PC: variants seen among roughly 807,000 people sequenced by gnomAD.
PC encodes the protein pyruvate carboxylase.
A neutral mutation model predicts 107.8 loss-of-function variants in PC; 46 were observed. The ratio of observed to expected loss-of-function variants is 0.43; its 90% CI spans 0.34 to 0.55. The LOEUF (loss-of-function observed/expected upper bound fraction) is 0.55. Among genes scored for constraint, PC ranks in the 20% least tolerant of loss-of-function variants. The pLI, the probability that PC is intolerant of heterozygous loss-of-function variation, is 0.04. For missense variants in PC, 1,241 were observed against 1,643.1 expected, an observed-to-expected ratio of 0.76 and a Z score of 4.23; for synonymous variants, 662 against 684.7, an observed-to-expected ratio of 0.97 and a Z score of 0.52.
chr11:66,868,908 G>C lies in PC; in HGVS notation c.960C>G (p.His320Gln), dbSNP rs1591183007. 6.2e-7 allele frequency: 1 copy of C among 1,613,922 alleles called. No individual in the cohort carries two copies. The highest frequency in any genetic ancestry group is 8.5e-7 in the Non-Finnish European group (1 of 1,179,996). The change falls in exon 10 of 23, where the codon CAC (histidine) becomes CAG (glutamine). Residue 320 changes from histidine (H) to glutamine (Q), a missense_variant. His to Gln is a conservative substitution (Grantham distance 24). This residue lies in a region of PC where 1,143 missense variants were observed against 1,551.9 expected (regional missense o/e 0.74). Coordinates refer to ENST00000393960, the MANE Select transcript of PC (RefSeq NM_001040716.2). ...GGCGGGAGTTGACCTCGATGAAGTA[G>C]TGCTTGCCGTGCCTGTCCACCAGGA... Reference protein sequence around the residue: ...VEFLVDRHGKHYFIEVNSRLQ... With the variant: ...VEFLVDRHGKQYFIEVNSRLQ...
chr11:66,864,205 A>G (rs976326488), intron 11 of PC, among the ~76,000 whole-genome samples: 4 of 152,316 alleles, frequency 2.6e-5, no homozygotes, highest in Non-Finnish European at 5.9e-5. Flanking sequence ...GAGGGGGCAG[A>G]GGAGGAAGGG....
intron 3 of PC, among the ~76,000 whole-genome samples, chr11:66,903,909 C>T (rs1335530236): frequency 2.0e-5 from 3 of 148,716 alleles, no homozygotes; most frequent in African/African-American, 7.5e-5. Context: ...CTCACTGCAA[C>T]CTCCGCCTCC....
intron 3 of PC, among the ~76,000 whole-genome samples, chr11:66,936,127 A>G (rs1399400055): frequency 6.6e-6 from 1 of 150,408 alleles, no homozygotes; most frequent in East Asian, 2.0e-4. Flanking sequence ...ACATGCCTGT[A>G]GTCTCAGCTA....
intron 3 of PC, among the ~76,000 whole-genome samples, chr11:66,928,673 G>A (rs564114498): frequency 3.9e-5 from 6 of 152,190 alleles, no homozygotes; most frequent in African/African-American, 1.4e-4. Context: ...TTACAAGCAT[G>A]TGTAACCTTG....
chr11:66,942,127 G>A (rs1177666307), intron 3 of PC, among the ~76,000 whole-genome samples: 2 of 146,694 alleles, frequency 1.4e-5, no homozygotes, highest in East Asian at 2.1e-4. Flanking sequence ...TGCTGGGCGC[G>A]GTGGCTCATG....
intron 3 of PC, among the ~76,000 whole-genome samples, chr11:66,918,130 A>G (rs1037675384): frequency 3.8e-4 from 58 of 152,320 alleles, no homozygotes; most frequent in African/African-American, 1.3e-3. Flanking sequence ...CATTAAAGAA[A>G]AATTCACATG....
In PC at chr11:66,858,435, T is replaced by C. The variant is rs773740511; in HGVS notation, c.1369-5052A>G. ...CTCTCCCGCCCCCCTGGTGCTGAGCTTTAGCGGGAACCCCCTGCACTGCAA... is the reference window on the plus strand; with the variant it reads ...CTCTCCCGCCCCCCTGGTGCTGAGCCTTAGCGGGAACCCCCTGCACTGCAA... On this transcript the variant is annotated intron_variant, in intron 12 of 22. Transcript: ENST00000393960. The surrounding 1 kb of genome is among the most constrained non-coding windows in gnomAD (Gnocchi z 5.9). 6.4e-7 allele frequency: 1 copy of C among 1,553,096 alleles called. No homozygotes were observed. The highest frequency in any genetic ancestry group is 1.2e-5 in the South Asian group (1 of 85,692).
chr11:66,903,505 C>T (rs1038016133), intron 3 of PC, among the ~76,000 whole-genome samples: 9 of 150,578 alleles, frequency 6.0e-5, no homozygotes, highest in South Asian at 4.2e-4. Context: ...TTTGGGAAGC[C>T]GAGGCAGGTG....
intron 3 of PC, among the ~76,000 whole-genome samples, chr11:66,920,510 C>T (rs1591283731): frequency 6.6e-6 from 1 of 152,078 alleles, no homozygotes; most frequent in African/African-American, 2.4e-5. Context: ...GTGGCAGCCC[C>T]GGGAAGGCCT....
At chr11:66,908,706 C>T (rs1948242826) in intron 3 of PC, among the ~76,000 whole-genome samples, 1 of 152,176 alleles carries the variant, frequency 6.6e-6, no homozygotes, top group Non-Finnish European at 1.5e-5. Context: ...GGCGCGCTCA[C>T]TGTGTGACAG....
rs776429910 is a variant in PC at position 66,866,262 on chromosome 11, G to A, written c.1110C>T (p.Asn370=). Residue 370 remains asparagine, a synonymous_variant, in exon 11 of 23, where the codon AAC becomes AAT. Transcript: ENST00000393960. This position sits in a 1 kb window ranked among gnomAD's most constrained non-coding sequence, Gnocchi z 5.4. The part of the protein sequence containing the change: ...LGLRQENIRI[N]GCAIQCRVTT... ...TGACCCGGCACTGGATGGCACACCC[G>A]TTGATGCGGATGTTCTCCTGCCGCA... 88 of 1,613,032 alleles carry A rather than the reference G, an allele frequency of 5.5e-5. 1 individual carries two copies. In the South Asian group the frequency reaches 7.5e-4, roughly 14 times the overall value.
At chr11:66,923,884 CAAAA>C (rs71045969) in intron 3 of PC, among the ~76,000 whole-genome samples, 34 of 111,012 alleles carry the variant, frequency 3.1e-4, no homozygotes, top group Non-Finnish European at 5.0e-4. Flanking sequence ...GACCTCAAGG[CAAAA>C]AAAAAAAAAA....
At chr11:66,908,449 G>A (rs1414748048) in intron 3 of PC, among the ~76,000 whole-genome samples, 1 of 152,130 alleles carries the variant, frequency 6.6e-6, no homozygotes, top group African/African-American at 2.4e-5. Flanking sequence ...ATGTTCACAT[G>A]CTTGAACATA....
At chr11:66,892,350 C>T (rs1447528795) in intron 3 of PC, among the ~76,000 whole-genome samples, 4 of 152,136 alleles carry the variant, frequency 2.6e-5, no homozygotes, top group African/African-American at 9.7e-5. Context: ...TGACTAAGAG[C>T]TTTTTCAATG....
chr11:66,941,286 C>T (rs1195028332), intron 3 of PC, among the ~76,000 whole-genome samples: 1 of 152,074 alleles, frequency 6.6e-6, no homozygotes, highest in African/African-American at 2.4e-5. Context: ...AATAGCATAG[C>T]AGGCTCTTGA....
At position 66,858,744 on chromosome 11, in the gene PC, G is replaced by T; in HGVS notation, c.1368+5030C>A. The stretch of plus-strand genomic sequence containing the variant: ...CTCCCGAGCCCGGGCTTTCCCCAAC[G>T]GGACCTTAGAGATTGGGGTGACCGG... On this transcript the variant is annotated intron_variant, in intron 12 of 22. Coordinates refer to ENST00000393960, the MANE Select transcript of PC (RefSeq NM_001040716.2). This position sits in a 1 kb window ranked among gnomAD's most constrained non-coding sequence, Gnocchi z 5.9. 1 of 1,553,898 alleles carries T rather than the reference G, an allele frequency of 6.4e-7. No individual in the cohort carries two copies. Among genetic ancestry groups the T allele is most frequent in the East Asian group, 2.4e-5 (1 of 41,500 alleles).
chr11:66,879,959 T>G (rs2380759), intron 3 of PC, among the ~76,000 whole-genome samples: 43,788 of 151,748 alleles, frequency 0.29, 6,386 homozygotes, highest in Middle Eastern at 0.35. Flanking sequence ...TAGAACCTAG[T>G]TATGGCCCTG....
At position 66,943,219 on chromosome 11, in the gene PC, C is replaced by T. The variant is rs76102123; in HGVS notation, c.-1+9211G>A. ...AGGTCGAGCTGGCCATGGTGGCTGG[C>T]GCCTATAATCCCAGCTAGTCAGGAG... On this transcript the variant is annotated intron_variant, in intron 3 of 22. Transcript: ENST00000393960. Among the ~76,000 whole-genome samples the T allele has an allele frequency of 5.3e-3, 807 of 151,242 alleles. 7 individuals carry two copies. Among genetic ancestry groups the T allele is most frequent in the African/African-American group, 0.018 (760 of 41,174 alleles).
At chr11:66,919,173 C>A (rs574475772) in intron 3 of PC, among the ~76,000 whole-genome samples, 1 of 152,254 alleles carries the variant, frequency 6.6e-6, no homozygotes, top group East Asian at 1.9e-4. Context: ...CCCGGCACTT[C>A]GGGAGGCCAA....
Sources: allele counts gnomAD v4.1 joint callset (sites outside exome capture counted in the v4.1 genomes callset), GRCh38; gene constraint gnomAD v4.1.1; regional missense constraint gnomAD v4.1.1; non-coding constraint Gnocchi (gnomAD v3.1); transcripts MANE v1.5; gene names NCBI Gene and HGNC (gene_info 2026-07-23, HGNC 2026-07-21).